CDC42SE2: variants seen among roughly 807,000 people sequenced by gnomAD.
CDC42SE2 encodes CDC42 small effector protein 2.
Under a neutral mutation model 11.5 loss-of-function variants are expected in CDC42SE2, and 3 were observed. The observed-to-expected ratio is 0.26, with a 90% confidence interval of 0.12 to 0.67. The LOEUF is 0.67. CDC42SE2 is among the 30% of genes least tolerant of loss of function. The pLI is 0.80. For missense variants in CDC42SE2, 82 were observed against 106.8 expected, an observed-to-expected ratio of 0.77 and a Z score of 1.02; for synonymous variants, 33 against 34.8, an observed-to-expected ratio of 0.95 and a Z score of 0.18.
chr5:131,254,506 C>T (rs1756664580), intron 1 of CDC42SE2, among the ~76,000 whole-genome samples: 1 of 150,644 alleles, frequency 6.6e-6, no homozygotes, highest in African/African-American at 2.5e-5. Flanking sequence ...GGCGCCACTG[C>T]ACTCCAGCCT....
chr5:131,327,780 A>G (rs775849762), intron 2 of CDC42SE2, among the ~76,000 whole-genome samples: 2 of 152,224 alleles, frequency 1.3e-5, no homozygotes, highest in Non-Finnish European at 2.9e-5. Flanking sequence ...AATGAGTTAA[A>G]TTATGGGTTA....
intron 3 of CDC42SE2, among the ~76,000 whole-genome samples, chr5:131,371,967 A>G (rs919522684): frequency 6.6e-6 from 1 of 152,182 alleles, no homozygotes; most frequent in Non-Finnish European, 1.5e-5. Flanking sequence ...CATGTCTATC[A>G]TTTTAATTTA....
At chr5:131,234,522 G>A in the CDC42SE2 span, among the ~76,000 whole-genome samples, 1 of 151,798 alleles carries the variant, frequency 6.6e-6, no homozygotes, top group Non-Finnish European at 1.5e-5. Flanking sequence ...TGTAATCCCA[G>A]CTACTCGGGA....
chr5:131,376,595 C>T (rs986199064), intron 3 of CDC42SE2, among the ~76,000 whole-genome samples: 1 of 152,118 alleles, frequency 6.6e-6, no homozygotes, highest in Non-Finnish European at 1.5e-5. Flanking sequence ...AATTTCATCA[C>T]CCAGGTAATA....
At chr5:131,288,223 C>CAA (rs879292271) in intron 1 of CDC42SE2, among the ~76,000 whole-genome samples, 5 of 125,956 alleles carry the variant, frequency 4.0e-5, no homozygotes, top group African/African-American at 8.8e-5. Context: ...GACCCTGCCT[C>CAA]AAAAAAAAAA....
intron 1 of CDC42SE2, among the ~76,000 whole-genome samples, chr5:131,292,208 C>A (rs1346442598): frequency 1.6e-5 from 2 of 126,804 alleles, no homozygotes; most frequent in East Asian, 4.6e-4. Flanking sequence ...CACTGCACTC[C>A]AGCCTGGTGA....
intron 4 of CDC42SE2, among the ~76,000 whole-genome samples, 162 bp downstream of exon 4, chr5:131,385,806 T>G (rs947340651): frequency 2.0e-5 from 3 of 152,238 alleles, no homozygotes; most frequent in African/African-American, 7.2e-5. Flanking sequence ...AAACTACTGA[T>G]GAAAAATTAA....
chr5:131,385,569 T>G lies in CDC42SE2; in HGVS notation c.81T>G (p.Ser27Arg). ...AAAGGCGACGGCGGATTGACAGAAG[T>G]ATGATTGGAGAGCCCACAAACTTTG... ...QPKRRRRIDR[S>R]MIGEPTNFVH... The change falls in exon 4 of 5, where the codon AGT becomes AGG. Residue 27 changes from serine (S) to arginine (R), a missense_variant. Coordinates refer to ENST00000505065, the MANE Select transcript of CDC42SE2 (RefSeq NM_001375635.1). The G allele has an allele frequency of 1.2e-6, 2 of 1,613,774 alleles. No individual in the cohort carries two copies. Among genetic ancestry groups the G allele is most frequent in the Non-Finnish European group, 1.7e-6 (2 of 1,179,748 alleles).
At chr5:131,212,940 C>T in the CDC42SE2 span, among the ~76,000 whole-genome samples, 1 of 152,148 alleles carries the variant, frequency 6.6e-6, no homozygotes, top group Non-Finnish European at 1.5e-5. Context: ...CCTATAATCC[C>T]AGCACTTTGG....
intron 3 of CDC42SE2, among the ~76,000 whole-genome samples, chr5:131,368,587 C>T (rs975832337): frequency 6.6e-5 from 10 of 152,182 alleles, no homozygotes; most frequent in Admixed American, 1.3e-4. Context: ...AATATAATTC[C>T]CATTTGTGAA....
chr5:131,336,757 T>C (rs1758573791), intron 2 of CDC42SE2, among the ~76,000 whole-genome samples: 3 of 152,228 alleles, frequency 2.0e-5, no homozygotes, highest in Non-Finnish European at 4.4e-5. Flanking sequence ...TTCCAGTTGA[T>C]CGCATCGGTT....
At chr5:131,311,445 A>G (rs1757911597) in intron 1 of CDC42SE2, among the ~76,000 whole-genome samples, 1 of 151,280 alleles carries the variant, frequency 6.6e-6, no homozygotes, top group Non-Finnish European at 1.5e-5. Context: ...CTCAAGGAGT[A>G]TCTTTGTGGC....
rs185716988 is a variant in CDC42SE2 at position 131,273,184 on chromosome 5, C to A, written c.-455+9018C>A. Among the ~76,000 whole-genome samples the A allele has an allele frequency of 3.2e-3, 452 of 141,350 alleles. 4 individuals are homozygous for A. Among genetic ancestry groups the A allele is most frequent in the African/African-American group, 0.011 (422 of 37,796 alleles). The allele number at this position is 141,350 out of a possible 152,430, so 92.7% of individuals were successfully genotyped here. A position where few individuals can be genotyped will look rare whatever the true frequency, so the allele number is the denominator to read the frequency against. On this transcript the variant is annotated intron_variant, in intron 1 of 4. Coordinates refer to ENST00000505065, the MANE Select transcript of CDC42SE2 (RefSeq NM_001375635.1). ...TTTTTTTTTTTTTTTGAGATAGAGT[C>A]TTGCTCTGTTGCCCAGGCTGGAGTG... is the stretch of plus-strand genomic sequence containing the variant.
chr5:131,295,771 C>T (rs989495316), intron 1 of CDC42SE2, among the ~76,000 whole-genome samples: 1 of 151,978 alleles, frequency 6.6e-6, no homozygotes, highest in African/African-American at 2.4e-5. Context: ...CAAGCTCCAC[C>T]TCCCGGGTTC....
upstream of CDC42SE2, among the ~76,000 whole-genome samples, chr5:131,244,847 C>G (rs934924527): frequency 6.6e-6 from 1 of 152,064 alleles, no homozygotes; most frequent in African/African-American, 2.4e-5. Flanking sequence ...ACTGCAAAAA[C>G]AAACAAACTT....
At chr5:131,375,588 A>C (rs551228452) in intron 3 of CDC42SE2, among the ~76,000 whole-genome samples, 6 of 152,306 alleles carry the variant, frequency 3.9e-5, no homozygotes, top group African/African-American at 1.4e-4. Context: ...CTGGCATTCC[A>C]GTGAGTGAGC....
chr5:131,359,537 A>G lies in CDC42SE2; in HGVS notation c.44A>G (p.Gln15Arg), dbSNP rs199987880. 30 of 1,612,600 alleles carry G rather than the reference A, an allele frequency of 1.9e-5. No individual in the cohort carries two copies. The highest frequency in any genetic ancestry group is 2.5e-5 in the Non-Finnish European group (29 of 1,178,610). The stretch of plus-strand genomic sequence containing the variant: ...TGTTTCAACTGCTGTATTGCAGAAC[A>G]GCCTCAGCCTGTAAGTATGAAGTAT... ...WLCFNCCIAE[Q>R]PQPKRRRRID... The change falls in exon 3 of 5, where the codon CAG becomes CGG. Residue 15 changes from glutamine (Q) to arginine (R), a missense_variant. Gln to Arg is a conservative substitution (Grantham distance 43). Coordinates refer to ENST00000505065, the MANE Select transcript of CDC42SE2 (RefSeq NM_001375635.1).
At chr5:131,338,114 T>G (rs183815203) in intron 2 of CDC42SE2, among the ~76,000 whole-genome samples, 5 of 152,352 alleles carry the variant, frequency 3.3e-5, no homozygotes, top group Admixed American at 3.3e-4. Context: ...TTCATGAACA[T>G]TTTTTAAAAA....
At chr5:131,298,149 C>CTGGA (rs1396066350) in intron 1 of CDC42SE2, among the ~76,000 whole-genome samples, 1 of 151,050 alleles carries the variant, frequency 6.6e-6, no homozygotes, top group Admixed American at 6.6e-5. Context: ...GTTGCCCAGG[C>CTGGA]TGGAGTGCAA....
Sources: allele counts gnomAD v4.1 joint callset (sites outside exome capture counted in the v4.1 genomes callset), GRCh38; gene constraint gnomAD v4.1.1; transcripts MANE v1.5; gene names NCBI Gene and HGNC (gene_info 2026-07-23, HGNC 2026-07-21).